The following ZNF644 variants were observed in gnomAD, a reference collection of about 807,000 sequenced individuals.
The protein encoded by ZNF644 is zinc finger motif enhancer binding protein 2.
In ZNF644, 20 loss-of-function variants were observed where a neutral mutation model predicts 108.0. That is an observed-to-expected ratio of 0.19 (90% CI 0.13 to 0.27). The LOEUF (loss-of-function observed/expected upper bound fraction) is 0.27. ZNF644 is among the 10% of genes least tolerant of loss of function. The pLI, the probability that ZNF644 is intolerant of heterozygous loss-of-function variation, is 1.00. For missense variants in ZNF644, 1,338 were observed against 1,548.9 expected, an observed-to-expected ratio of 0.86 and a Z score of 2.29; for synonymous variants, 542 against 539.1, an observed-to-expected ratio of 1.01 and a Z score of -0.08.
chr1:90,918,986 A>C (rs1264095799), intron 4 of ZNF644, among the ~76,000 whole-genome samples: 4 of 152,140 alleles, frequency 2.6e-5, no homozygotes, highest in Admixed American at 6.5e-5. Context: ...AAGGTAAAAA[A>C]AAAAATTAAA....
Position 90,940,884 on chromosome 1 carries a change from A to G in ZNF644, c.470T>C (p.Val157Ala). The stretch of plus-strand genomic sequence containing the variant: ...TGTAGACAGCTGAAGATCAGCTGCT[A>G]CCTTCAAAGTTGAACAAGATTCTGT... The part of the protein sequence containing the change: ...PTTESCSTLK[V>A]AADLQLSTPQ... The change falls in exon 3 of 6, where the codon GTA (valine) becomes GCA (alanine). Residue 157 changes from valine (V) to alanine (A), a missense_variant. Physicochemically the swap from Val to Ala is moderately conservative, Grantham distance 64. Transcript: ENST00000337393. The G allele has an allele frequency of 1.2e-6, 2 of 1,614,056 alleles. No homozygotes were observed.
chr1:90,996,026 A>G (rs1333450378), intron 1 of ZNF644, among the ~76,000 whole-genome samples: 1 of 152,200 alleles, frequency 6.6e-6, no homozygotes, highest in African/African-American at 2.4e-5. Flanking sequence ...ACAGACACAT[A>G]AATACTGCAC....
At chr1:90,967,265 A>G (rs964145877) in intron 2 of ZNF644, among the ~76,000 whole-genome samples, 2 of 152,156 alleles carry the variant, frequency 1.3e-5, no homozygotes, top group African/African-American at 4.8e-5. Flanking sequence ...TCCATCGCAC[A>G]AATCTAGTTA....
chr1:90,926,174 T>C (rs1304378984), intron 4 of ZNF644, among the ~76,000 whole-genome samples: 1 of 152,220 alleles, frequency 6.6e-6, no homozygotes, highest in Admixed American at 6.5e-5. Flanking sequence ...CAACTGGTTC[T>C]AGCTGGTCCA....
chr1:91,021,679 C>G (rs1660943836), intron 1 of ZNF644: 1 of 139,144 alleles, frequency 7.2e-6, no homozygotes, highest in East Asian at 2.1e-4. Context: ...CGGCGGCGGC[C>G]GCCGCTCACC....
intron 4 of ZNF644, among the ~76,000 whole-genome samples, chr1:90,924,475 T>C (rs1048167646): frequency 4.6e-5 from 7 of 152,316 alleles, no homozygotes; most frequent in African/African-American, 1.4e-4. Flanking sequence ...ATTTCTGATA[T>C]ATCATTTCAG....
chr1:91,008,991 C>A (rs1314596729), intron 1 of ZNF644, among the ~76,000 whole-genome samples: 1 of 152,124 alleles, frequency 6.6e-6, no homozygotes. Context: ...GTAATCACAG[C>A]ACTTTGGGAG....
chr1:90,974,515 T>G (rs1200743664), intron 2 of ZNF644, among the ~76,000 whole-genome samples: 1 of 152,204 alleles, frequency 6.6e-6, no homozygotes, highest in African/African-American at 2.4e-5. Context: ...ACAGTTCCTA[T>G]CTGTGAATAA....
At chr1:90,982,126 T>C (rs754505333) in intron 2 of ZNF644, among the ~76,000 whole-genome samples, 184 bp downstream of exon 2, 8 of 152,108 alleles carry the variant, frequency 5.3e-5, no homozygotes, top group Non-Finnish European at 1.2e-4. Flanking sequence ...CACAATGTGA[T>C]AGTTATAATT....
chr1:90,992,491 T>C (rs1657740300), intron 1 of ZNF644, among the ~76,000 whole-genome samples: 1 of 152,040 alleles, frequency 6.6e-6, no homozygotes. Context: ...TAAACAATGC[T>C]TCCAAAATCT....
rs759040709 is a variant in ZNF644 at position 90,938,791 on chromosome 1, T to C, written c.2563A>G (p.Thr855Ala). 5 of 1,613,868 alleles carry C rather than the reference T, an allele frequency of 3.1e-6. No homozygotes were observed. Among genetic ancestry groups the C allele is most frequent in the Non-Finnish European group, 4.2e-6 (5 of 1,179,920 alleles). ...NSAEKKDSYE[T>A]EDESSWDNVE... ...TTATCCCAGGAACTTTCATCTTCTGTTTCATAACTATCTTTCTTTTCAGCA... is the reference window on the plus strand; with the variant it reads ...TTATCCCAGGAACTTTCATCTTCTGCTTCATAACTATCTTTCTTTTCAGCA... The change falls in exon 3 of 6, where the codon ACA (threonine) becomes GCA (alanine). Residue 855 changes from threonine (T) to alanine (A), a missense_variant. Coordinates refer to ENST00000337393, the MANE Select transcript of ZNF644 (RefSeq NM_201269.3). The surrounding 1 kb of genome is among the most constrained non-coding windows in gnomAD (Gnocchi z 4.2).
At chr1:90,929,859 T>G (rs894527315) in intron 4 of ZNF644, among the ~76,000 whole-genome samples, 6 of 152,338 alleles carry the variant, frequency 3.9e-5, no homozygotes, top group Middle Eastern at 3.4e-3. Context: ...AATAAAACAC[T>G]GACTTGATTT....
chr1:90,939,445 T>G lies in ZNF644; in HGVS notation c.1909A>C (p.Ser637Arg), dbSNP rs1210674463. 1.2e-6 allele frequency: 2 copies of G among 1,613,784 alleles called. No individual in the cohort carries two copies. Among genetic ancestry groups the G allele is most frequent in the Non-Finnish European group, 1.7e-6 (2 of 1,179,906 alleles). ...TTAGTTAATGTTTTAGTGCTATCAC[T>G]ATCTACAGGTTCTTCAAGGATGTCA... ...KNDILEEPVDSDSTKTLTKQQ... is the reference protein window; with the variant it reads ...KNDILEEPVDRDSTKTLTKQQ... The change falls in exon 3 of 6, where the codon AGT becomes CGT. Residue 637 changes from serine (S) to arginine (R), a missense_variant. Ser to Arg is a moderately radical substitution (Grantham distance 110). Coordinates refer to ENST00000337393, the MANE Select transcript of ZNF644 (RefSeq NM_201269.3).
At chr1:90,997,668 G>A (rs921858257) in intron 1 of ZNF644, among the ~76,000 whole-genome samples, 3 of 152,150 alleles carry the variant, frequency 2.0e-5, no homozygotes, top group South Asian at 2.1e-4. Flanking sequence ...TTCCAATTGA[G>A]GTACCGGGTT....
intron 2 of ZNF644, among the ~76,000 whole-genome samples, chr1:90,977,869 G>A (rs907345666): frequency 1.3e-5 from 2 of 152,054 alleles, no homozygotes; most frequent in African/African-American, 4.8e-5. Context: ...GTAAATATAT[G>A]GAAAAATGTC....
At chr1:91,009,101 C>T (rs563113654) in intron 1 of ZNF644, among the ~76,000 whole-genome samples, 7 of 152,128 alleles carry the variant, frequency 4.6e-5, no homozygotes, top group East Asian at 1.9e-4. Flanking sequence ...AAGAAAAGAA[C>T]GGCTTATGAG....
intron 2 of ZNF644, among the ~76,000 whole-genome samples, chr1:90,943,082 TCTA>T (rs1238936208): frequency 1.3e-5 from 2 of 152,214 alleles, no homozygotes; most frequent in African/African-American, 4.8e-5. Context: ...GTTCAATATT[TCTA>T]CTATCCTTTA....
intron 2 of ZNF644, among the ~76,000 whole-genome samples, chr1:90,967,069 C>T (rs755592421): frequency 1.3e-5 from 2 of 152,096 alleles, no homozygotes; most frequent in African/African-American, 2.4e-5. Flanking sequence ...GATATAATCC[C>T]AAATCTTTTA....
intron 2 of ZNF644, among the ~76,000 whole-genome samples, chr1:90,942,420 G>C (rs1652090234): frequency 6.6e-6 from 1 of 152,046 alleles, no homozygotes; most frequent in South Asian, 2.1e-4. Context: ...CCTGCTCTTA[G>C]AAATGGCCAC....
Sources: allele counts gnomAD v4.1 joint callset (sites outside exome capture counted in the v4.1 genomes callset), GRCh38; gene constraint gnomAD v4.1.1; non-coding constraint Gnocchi (gnomAD v3.1); transcripts MANE v1.5; gene names NCBI Gene and HGNC (gene_info 2026-07-23, HGNC 2026-07-21).